The following HACE1 variants were observed in gnomAD, a reference collection of about 807,000 sequenced individuals.
HACE1 encodes the protein HECT domain and ankyrin repeat containing E3 ubiquitin protein ligase 1.
Under a neutral mutation model 118.4 loss-of-function variants are expected in HACE1, and 73 were observed. The ratio of observed to expected loss-of-function variants is 0.62; its 90% confidence interval spans 0.51 to 0.75. HACE1 has a LOEUF of 0.75. Ranked by LOEUF, HACE1 falls within the 30% of genes least tolerant of loss-of-function variation. HACE1 has a pLI of 0.00. For synonymous variants in HACE1, 368 were observed against 374.8 expected (o/e 0.98, Z 0.21); for missense variants, 749 against 1,102.2 (o/e 0.68, Z 4.54).
At chr6:104,776,876 G>A (rs371920456) in intron 16 of HACE1, 48 bp from the exon 17 acceptor site, 3 of 1,430,798 alleles carry the variant, frequency 2.1e-6, no homozygotes, top group Non-Finnish European at 3.0e-6. Context: ...ATGTTATATT[G>A]GGAAATTTTT....
intron 11 of HACE1, among the ~76,000 whole-genome samples, chr6:104,790,765 T>C (rs1420694318): frequency 6.6e-6 from 1 of 152,064 alleles, no homozygotes; most frequent in Non-Finnish European, 1.5e-5. Context: ...AAAAAATAAA[T>C]ACATGAAGAA....
chr6:104,796,668 A>G lies in HACE1; in HGVS notation c.803T>C (p.Leu268Pro). ...CAAATACAATACCATGTTTTCTCGG[A>G]GGTCTTCATTCTGTGTCATTTGAAT... Reference protein sequence around the residue: ...TIIQMTQNEDLRENMLRQVLE... With the variant: ...TIIQMTQNEDPRENMLRQVLE... The change falls in exon 9 of 24, where the codon CTC becomes CCC. Residue 268 changes from leucine to proline, a missense_variant. This residue lies in a region of HACE1 where 267 missense variants were observed against 312.2 expected (regional missense o/e 0.86). Coordinates refer to ENST00000262903, the MANE Select transcript of HACE1 (RefSeq NM_020771.4). The G allele has an allele frequency of 1.3e-6, 2 of 1,496,030 alleles. No homozygotes were observed. Among genetic ancestry groups the G allele is most frequent in the Non-Finnish European group, 1.9e-6 (2 of 1,073,910 alleles). The allele number at this position is 1,496,030 out of a possible 1,614,324, so 92.7% of individuals were successfully genotyped here. A position where few individuals can be genotyped will look rare whatever the true frequency, so the allele number is the denominator to read the frequency against.
chr6:104,766,760 T>C (rs571040291), intron 19 of HACE1: 1 of 152,266 alleles, frequency 6.6e-6, no homozygotes, highest in Admixed American at 6.5e-5. Flanking sequence ...ACAAGTTTTG[T>C]GCCCTCGGGC....
intron 19 of HACE1, among the ~76,000 whole-genome samples, chr6:104,754,257 A>C (rs2114592514): frequency 6.6e-6 from 1 of 152,334 alleles, no homozygotes; most frequent in African/African-American, 2.4e-5. Flanking sequence ...GGTTATGTAA[A>C]GAGACCAAAC....
chr6:104,847,656 T>C (rs995368225), intron 4 of HACE1, among the ~76,000 whole-genome samples: 3 of 152,102 alleles, frequency 2.0e-5, no homozygotes, highest in Non-Finnish European at 4.4e-5. Context: ...ATTGATGTAA[T>C]GGACAATTTT....
At chr6:104,843,341 T>G in intron 4 of HACE1, 43 bp from the exon 5 acceptor site, 1 of 869,118 alleles carries the variant, frequency 1.2e-6, no homozygotes, top group South Asian at 1.3e-5. Flanking sequence ...ACTTAAAAAA[T>G]ATATGCAAAT....
At chr6:104,819,068 G>T (rs900985981) in intron 6 of HACE1, among the ~76,000 whole-genome samples, 8 of 152,106 alleles carry the variant, frequency 5.3e-5, no homozygotes, top group Non-Finnish European at 1.0e-4. Flanking sequence ...AAAACAAAAG[G>T]CCAAACAAAT....
intron 22 of HACE1, chr6:104,731,854 C>CA (rs1775233773): frequency 7.6e-6 from 1 of 131,674 alleles, no homozygotes; most frequent in Non-Finnish European, 1.6e-5. Context: ...CCAGAACATA[C>CA]AAAGAATTCC....
chr6:104,833,069 A>G lies in HACE1; in HGVS notation c.507T>C (p.His169=), dbSNP rs1774166911. 1 of 1,613,344 alleles carries G rather than the reference A, an allele frequency of 6.2e-7. No homozygotes were observed. Among genetic ancestry groups the G allele is most frequent in the Admixed American group, 1.7e-5 (1 of 60,002 alleles). ...VEDAMGQTAL[H]VACQNGHKTT... ...TCTTGTGACCGTTCTGGCAGGCAACATGCAGTGCTGTCTGCCCCATGGCAT... is the reference window on the plus strand; with the variant it reads ...TCTTGTGACCGTTCTGGCAGGCAACGTGCAGTGCTGTCTGCCCCATGGCAT... Residue 169 remains histidine, a synonymous_variant, in exon 6 of 24, where the codon CAT becomes CAC. Transcript: ENST00000262903.
At chr6:104,788,268 G>A (rs1245709902) in intron 11 of HACE1, among the ~76,000 whole-genome samples, 1 of 151,916 alleles carries the variant, frequency 6.6e-6, no homozygotes, top group African/African-American at 2.4e-5. Context: ...GAAAATATTA[G>A]CAGGTTTCTT....
chr6:104,796,547 TTG>T (rs1243272159), intron 9 of HACE1, 106 bp downstream of exon 9: 10 of 707,868 alleles, frequency 1.4e-5, no homozygotes, highest in Non-Finnish European at 2.6e-5. Flanking sequence ...ATTAAGATAT[TTG>T]TGACAATAAG....
At chr6:104,770,261 C>T (rs565477253) in intron 19 of HACE1, among the ~76,000 whole-genome samples, 4 of 152,172 alleles carry the variant, frequency 2.6e-5, no homozygotes, top group Admixed American at 6.5e-5. Context: ...TTGTAAGCAA[C>T]AGAACTAGAA....
Position 104,784,912 on chromosome 6 carries a change from G to C in HACE1, c.1409+73C>G, listed in dbSNP as rs916527236. The C allele has an allele frequency of 9.3e-6, 9 of 968,520 alleles. No individual in the cohort carries two copies. The African/African-American group carries it at 1.1e-4, about 12-fold the overall frequency. 60.0% of individuals were successfully genotyped at this position (968,520 alleles called of 1,614,324 possible). ...CAACAAATTATTATTTGTTGTTTTTGAAATTACAAAAGTATCACTGCTTTT... is the reference window on the plus strand; with the variant it reads ...CAACAAATTATTATTTGTTGTTTTTCAAATTACAAAAGTATCACTGCTTTT... On this transcript the variant is annotated intron_variant, in intron 12 of 23. Transcript: ENST00000262903.
chr6:104,785,821 T>C (rs1342485839), intron 11 of HACE1: 1 of 153,096 alleles, frequency 6.5e-6, no homozygotes, highest in Non-Finnish European at 1.5e-5. Flanking sequence ...ACAAATGTCT[T>C]TTTTCAATTA....
intron 19 of HACE1, among the ~76,000 whole-genome samples, chr6:104,763,102 T>C (rs1779595945): frequency 6.6e-6 from 1 of 152,090 alleles, no homozygotes; most frequent in Non-Finnish European, 1.5e-5. Context: ...TTTGGTAATT[T>C]TTAAAGTTAA....
At chr6:104,848,216 G>C (rs1775850099) in intron 4 of HACE1, among the ~76,000 whole-genome samples, 1 of 151,338 alleles carries the variant, frequency 6.6e-6, no homozygotes, top group African/African-American at 2.4e-5. Flanking sequence ...AGCACTTTGG[G>C]AGGCCGAGGT....
intron 6 of HACE1, among the ~76,000 whole-genome samples, chr6:104,819,597 A>T (rs754350187): frequency 2.0e-5 from 3 of 152,220 alleles, no homozygotes; most frequent in Non-Finnish European, 2.9e-5. Context: ...TCCTAAGCAG[A>T]AAGAAAAGTT....
chr6:104,739,502 G>T (rs1442518875), intron 22 of HACE1, among the ~76,000 whole-genome samples: 1 of 151,844 alleles, frequency 6.6e-6, no homozygotes, highest in African/African-American at 2.4e-5. Flanking sequence ...ACAAAAAAAG[G>T]CAGGGGTTGC....
rs1405799051 is a variant in HACE1 at position 104,728,326 on chromosome 6, TATAA to T, written c.*1332_*1335del. ...ATAAAACATTATTAGCTTCAGTTAC[TATAA>T]ATAAAGCATCCGAATCTTAATTTTA... On this transcript the variant is annotated 3_prime_UTR_variant, in exon 24 of 24. Transcript: ENST00000262903. 1 of 152,224 alleles carries T rather than the reference TATAA, an allele frequency of 6.6e-6. No homozygotes were observed. The highest frequency in any genetic ancestry group is 1.5e-5 in the Non-Finnish European group (1 of 68,032). The allele number at this position is 152,224 out of a possible 1,614,324, so 9.4% of individuals were successfully genotyped here.
Sources: gnomAD v4.1 joint callset for allele counts (sites outside exome capture counted in the v4.1 genomes callset) on GRCh38, gnomAD v4.1.1 for gene constraint, gnomAD v4.1.1 regional missense constraint, MANE v1.5 for transcripts, NCBI Gene and HGNC (gene_info 2026-07-23, HGNC 2026-07-21) for gene names.